Variants in SLC15A5 observed in about 807,000 individuals in gnomAD.
SLC15A5 encodes Peptide/histidine transporter ENSP00000340402.
SLC15A5 carries 58 observed loss-of-function variants against 56.1 expected under a neutral mutation model. The ratio of observed to expected loss-of-function variants is 1.03; its 90% confidence interval spans 0.84 to 1.29. The LOEUF is 1.29. Among genes scored for constraint, SLC15A5 ranks in the 50% most tolerant of loss-of-function variants. SLC15A5 has a pLI of 0.00. For synonymous variants in SLC15A5, 264 were observed against 250.5 expected, an observed-to-expected ratio of 1.05 and a Z score of -0.51; for missense variants, 681 against 672.1, an observed-to-expected ratio of 1.01 and a Z score of -0.15.
intron 4 of SLC15A5, 110 bp from the exon 5 acceptor site, chr12:16,239,977 G>A: frequency 1.0e-6 from 1 of 986,760 alleles, no homozygotes. Flanking sequence ...TGGATGAGCT[G>A]GATGTTGCCT....
At chr12:16,258,914 C>A (rs1410905647) in intron 2 of SLC15A5, among the ~76,000 whole-genome samples, 1 of 151,286 alleles carries the variant, frequency 6.6e-6, no homozygotes, top group Non-Finnish European at 1.5e-5. Flanking sequence ...GTTGTGCCTG[C>A]ACTCAGGGGG....
chr12:16,272,084 C>T (rs1161788603), intron 2 of SLC15A5, among the ~76,000 whole-genome samples: 1 of 152,150 alleles, frequency 6.6e-6, no homozygotes, highest in Non-Finnish European at 1.5e-5. Flanking sequence ...CTAACAGCTA[C>T]CATTTTTTGA....
chr12:16,210,740 C>T (rs991696707), intron 7 of SLC15A5, among the ~76,000 whole-genome samples: 2 of 152,160 alleles, frequency 1.3e-5, no homozygotes, highest in African/African-American at 4.8e-5. Context: ...GTTCATCTGA[C>T]TCAAATGTCT....
chr12:16,235,236 C>T lies in SLC15A5; in HGVS notation c.1162+4445G>A, dbSNP rs1864338179. On this transcript the variant is annotated intron_variant, in intron 5 of 8. Transcript: ENST00000344941. This position sits in a 1 kb window ranked among gnomAD's most constrained non-coding sequence, Gnocchi z 4.1. ...TATACATAATATATACAAAACACGA[C>T]ATGTTATAAGTATATATGTGTATAT... Among the ~76,000 whole-genome samples, 1 of 146,698 alleles carries T rather than the reference C, an allele frequency of 6.8e-6. No individual in the cohort carries two copies. The highest frequency in any genetic ancestry group is 1.5e-5 in the Non-Finnish European group (1 of 66,742).
intron 5 of SLC15A5, among the ~76,000 whole-genome samples, chr12:16,232,945 GGAA>G (rs1434990711): frequency 7.0e-5 from 10 of 143,538 alleles, no homozygotes; most frequent in African/African-American, 2.6e-4. Context: ...GAGAGAGAGA[GGAA>G]GAAAGAAAGA....
rs1864427894 is a variant in SLC15A5, at chr12:16,243,026, A to C, written c.975+1554T>G. Among the ~76,000 whole-genome samples the C allele has an allele frequency of 6.6e-6, 1 of 152,116 alleles. No individual in the cohort carries two copies. The highest frequency in any genetic ancestry group is 1.5e-5 in the Non-Finnish European group (1 of 68,030). ...GCATTATTTAGTCTAGAGGTCAAGA[A>C]ATTTTCTGTAAAGGGCCAGATAGTA... On this transcript the variant is annotated intron_variant, in intron 4 of 8. Transcript: ENST00000344941. The surrounding 1 kb of genome is among the most constrained non-coding windows in gnomAD (Gnocchi z 4.4).
chr12:16,231,801 A>C (rs12825219), intron 5 of SLC15A5, among the ~76,000 whole-genome samples: 12,427 of 152,292 alleles, frequency 0.082, 698 homozygotes, highest in South Asian at 0.24. Context: ...GACATCCTCC[A>C]TTCCTATCTG....
intron 7 of SLC15A5, among the ~76,000 whole-genome samples, chr12:16,198,437 C>T (rs1863917469): frequency 6.6e-6 from 1 of 152,082 alleles, no homozygotes; most frequent in Admixed American, 6.6e-5. Flanking sequence ...ATCATCTAGA[C>T]TCACTCTTTA....
At chr12:16,236,049 C>T (rs1254609550) in intron 5 of SLC15A5, among the ~76,000 whole-genome samples, 1 of 152,014 alleles carries the variant, frequency 6.6e-6, no homozygotes, top group Non-Finnish European at 1.5e-5. Flanking sequence ...ATTTAAAAGC[C>T]AAGATAATTG....
chr12:16,262,800 T>C (rs1864655968), intron 2 of SLC15A5, among the ~76,000 whole-genome samples: 1 of 152,122 alleles, frequency 6.6e-6, no homozygotes, highest in Non-Finnish European at 1.5e-5. Flanking sequence ...TAACAAGATA[T>C]GATGGTTTTA....
intron 2 of SLC15A5, among the ~76,000 whole-genome samples, chr12:16,262,005 AT>A (rs1162740004): frequency 2.0e-5 from 3 of 152,068 alleles, no homozygotes; most frequent in African/African-American, 7.2e-5. Context: ...TCCTATTATA[AT>A]TTTTTTTCAT....
chr12:16,205,920 T>G (rs1864014431), intron 7 of SLC15A5, among the ~76,000 whole-genome samples: 1 of 152,146 alleles, frequency 6.6e-6, no homozygotes. Flanking sequence ...AGTGAGGAAT[T>G]ATTTCCCTCA....
chr12:16,234,671 C>A (rs1864330001), intron 5 of SLC15A5, among the ~76,000 whole-genome samples: 2 of 152,220 alleles, frequency 1.3e-5, no homozygotes, highest in South Asian at 4.2e-4. Context: ...TGTGTGGTTG[C>A]AGACAAGTCC....
Position 16,215,202 on chromosome 12 carries a change from C to CAA in SLC15A5, c.1483+1689_1483+1690dup, listed in dbSNP as rs33944569. 3.5e-3 allele frequency among the ~76,000 whole-genome samples: 42 copies of CAA among 12,028 alleles called. 3 individuals are homozygous for CAA. Among genetic ancestry groups the CAA allele is most frequent in the African/African-American group, 5.2e-3 (15 of 2,860 alleles). The allele number at this position is 12,028 out of a possible 152,430, so 7.9% of individuals were successfully genotyped here. A position where few individuals can be genotyped will look rare whatever the true frequency, so the allele number is the denominator to read the frequency against. On this transcript the variant is annotated intron_variant, in intron 7 of 8. Transcript: ENST00000344941. ...TGGGTGACAGAGTGAGACTCTTTCT[C>CAA]AAAAAAAAAAAAAAAAAAAAAAAAA...
At chr12:16,230,757 CAAAA>C (rs59876940) in intron 5 of SLC15A5, among the ~76,000 whole-genome samples, 132 of 129,572 alleles carry the variant, frequency 1.0e-3, no homozygotes, top group South Asian at 6.0e-3. Flanking sequence ...ACTAAAAATA[CAAAA>C]AAAAAAAAAA....
chr12:16,213,962 T>C (rs1484227547), intron 7 of SLC15A5, among the ~76,000 whole-genome samples: 4 of 152,194 alleles, frequency 2.6e-5, no homozygotes, highest in Admixed American at 1.3e-4. Flanking sequence ...GTAACAAATG[T>C]CTTTAAACAC....
chr12:16,230,839 C>T (rs369799938), intron 5 of SLC15A5, among the ~76,000 whole-genome samples: 3 of 150,724 alleles, frequency 2.0e-5, no homozygotes, highest in Admixed American at 1.3e-4. Flanking sequence ...AAGAGAATGG[C>T]GTGAACCCAG....
Position 16,268,086 on chromosome 12 carries a change from A to G in SLC15A5, c.584+4475T>C, listed in dbSNP as rs1169814214. On this transcript the variant is annotated intron_variant, in intron 2 of 8. Transcript: ENST00000344941. ...GACTCATGTACCTTTCAAGCTTAAAAGAGAACATGCGCCCGGCTCTGTGGC... is the reference window on the plus strand; with the variant it reads ...GACTCATGTACCTTTCAAGCTTAAAGGAGAACATGCGCCCGGCTCTGTGGC... Among the ~76,000 whole-genome samples the G allele has an allele frequency of 3.5e-5, 4 of 114,360 alleles. 1 individual carries two copies. The highest frequency in any genetic ancestry group is 1.4e-4 in the African/African-American group (4 of 29,188). The allele number at this position is 114,360 out of a possible 152,430, so 75.0% of individuals were successfully genotyped here. A position where few individuals can be genotyped will look rare whatever the true frequency, so the allele number is the denominator to read the frequency against.
In SLC15A5 at chr12:16,269,649, C is replaced by G. The variant is rs918615060; in HGVS notation, c.584+2912G>C. ...TACCATGTAGAGTCAATTTGAGTACCAGATAGTCAACATTTCTGGGGTGAA... is the reference window on the plus strand; with the variant it reads ...TACCATGTAGAGTCAATTTGAGTACGAGATAGTCAACATTTCTGGGGTGAA... On this transcript the variant is annotated intron_variant, in intron 2 of 8. Coordinates refer to ENST00000344941, the MANE Select transcript of SLC15A5 (RefSeq NM_001170798.1). This position sits in a 1 kb window ranked among gnomAD's most constrained non-coding sequence, Gnocchi z 4.7. Among the ~76,000 whole-genome samples the G allele has an allele frequency of 2.0e-5, 3 of 152,008 alleles. No individual in the cohort carries two copies. Among genetic ancestry groups the G allele is most frequent in the Non-Finnish European group, 4.4e-5 (3 of 68,000 alleles).
Sources: gnomAD v4.1 joint callset for allele counts (sites outside exome capture counted in the v4.1 genomes callset) on GRCh38, gnomAD v4.1.1 for gene constraint, Gnocchi (gnomAD v3.1) non-coding constraint, MANE v1.5 for transcripts, NCBI Gene and HGNC (gene_info 2026-07-23, HGNC 2026-07-21) for gene names.